PRKN: variants seen among roughly 807,000 people sequenced by gnomAD.
PRKN encodes parkin RBR E3 ubiquitin protein ligase, also known as E3 ubiquitin-protein ligase parkin.
Under a neutral mutation model 59.5 loss-of-function variants are expected in PRKN, and 56 were observed. The observed-to-expected ratio is 0.94, with a 90% CI of 0.76 to 1.18. The LOEUF (loss-of-function observed/expected upper bound fraction) is 1.18, where lower values mean the gene tolerates loss of function less well. Ranked by LOEUF, PRKN falls within the 50% of genes most tolerant of loss-of-function variation. The pLI, the probability that PRKN is intolerant of heterozygous loss-of-function variation, is 0.00. For synonymous variants in PRKN, 250 were observed against 222.1 expected (o/e 1.13, Z -1.12); for missense variants, 657 against 596.4 (o/e 1.10, Z -1.06).
chr6:162,087,113 C>T (rs1276472030), intron 4 of PRKN, among the ~76,000 whole-genome samples: 1 of 152,176 alleles, frequency 6.6e-6, no homozygotes, highest in African/African-American at 2.4e-5. Context: ...TCATCACTGA[C>T]ATGGGCTCAG....
chr6:161,579,109 T>C lies in PRKN; in HGVS notation c.872-9693A>G, dbSNP rs1246724486. 6.6e-6 allele frequency among the ~76,000 whole-genome samples: 1 copy of C among 152,202 alleles called. No homozygotes were observed. The highest frequency in any genetic ancestry group is 1.9e-4 in the East Asian group (1 of 5,190). On this transcript the variant is annotated intron_variant, in intron 7 of 11. Transcript: ENST00000366898. This position sits in a 1 kb window ranked among gnomAD's most constrained non-coding sequence, Gnocchi z 4.2. ...TTCTTTCTCCTGCTGCTCTCAAAAG[T>C]TTGTCCTTGGTTGACATCAGAGAAA...
Position 161,545,517 on chromosome 6 carries a change from A to T in PRKN, c.1083+3337T>A. 2.0e-6 allele frequency: 2 copies of T among 1,012,760 alleles called. No individual in the cohort carries two copies. The highest frequency in any genetic ancestry group is 3.1e-6 in the Non-Finnish European group (2 of 643,720). 62.7% of individuals were successfully genotyped at this position (1,012,760 alleles called of 1,614,324 possible). Reference sequence around the variant, plus strand: ...GGCCATGTTCTACTTCTGAAATGACATAATCTAACCACAATTTCTTCCAGA... The same window carrying T: ...GGCCATGTTCTACTTCTGAAATGACTTAATCTAACCACAATTTCTTCCAGA... On this transcript the variant is annotated intron_variant, in intron 9 of 11. Transcript: ENST00000366898. The surrounding 1 kb of genome is among the most constrained non-coding windows in gnomAD (Gnocchi z 4.1).
At chr6:161,898,147 T>C (rs2128234176) in intron 6 of PRKN, among the ~76,000 whole-genome samples, 1 of 152,194 alleles carries the variant, frequency 6.6e-6, no homozygotes, top group East Asian at 1.9e-4. Flanking sequence ...TTGTAATTGA[T>C]ACTTTAAGCT....
chr6:162,467,624 C>G (rs564387167), intron 1 of PRKN, among the ~76,000 whole-genome samples: 21 of 152,278 alleles, frequency 1.4e-4, no homozygotes, highest in Non-Finnish European at 2.4e-4. Flanking sequence ...GAGCAATACT[C>G]TCAGAACAGG....
chr6:161,929,311 C>T (rs1779081275), intron 6 of PRKN, among the ~76,000 whole-genome samples: 1 of 151,914 alleles, frequency 6.6e-6, no homozygotes, highest in South Asian at 2.1e-4. Context: ...TTGCCAGAGA[C>T]TGAGAGATAG....
chr6:162,436,063 C>A (rs1034721057), intron 2 of PRKN, among the ~76,000 whole-genome samples: 1 of 149,516 alleles, frequency 6.7e-6, no homozygotes, highest in African/African-American at 2.5e-5. Context: ...GAAATCCCAG[C>A]GACTTGAGAG....
At chr6:162,590,721 A>T (rs1305965886) in intron 1 of PRKN, among the ~76,000 whole-genome samples, 5 of 152,178 alleles carry the variant, frequency 3.3e-5, no homozygotes, top group African/African-American at 4.8e-5. Flanking sequence ...AGACTCATCA[A>T]GCTTTCATCA....
intron 6 of PRKN, among the ~76,000 whole-genome samples, chr6:161,894,487 C>T (rs1425857055): frequency 6.6e-6 from 1 of 152,230 alleles, no homozygotes; most frequent in African/African-American, 2.4e-5. Flanking sequence ...TCCAATCAAT[C>T]CTCACCACAG....
intron 4 of PRKN, among the ~76,000 whole-genome samples, chr6:162,091,890 G>C (rs1254545931): frequency 6.6e-6 from 1 of 152,050 alleles, no homozygotes; most frequent in East Asian, 1.9e-4. Context: ...ACAAATATTA[G>C]CCGGGCATGG....
chr6:162,263,136 G>A (rs1424416265), intron 2 of PRKN: 1 of 316,100 alleles, frequency 3.2e-6, no homozygotes, highest in Non-Finnish European at 6.1e-6. Context: ...CTGGAGTGCA[G>A]TGGTGTGATT....
At chr6:162,034,217 A>AGT in intron 5 of PRKN, among the ~76,000 whole-genome samples, 1 of 149,252 alleles carries the variant, frequency 6.7e-6, no homozygotes, top group Non-Finnish European at 1.5e-5. Context: ...AGAGAGAGAG[A>AGT]GAGTGTCTAC....
chr6:162,242,388 GA>G (rs1779021208), intron 3 of PRKN, among the ~76,000 whole-genome samples: 1 of 152,104 alleles, frequency 6.6e-6, no homozygotes, highest in African/African-American at 2.4e-5. Context: ...AGTTCATACA[GA>G]AAGCAGACTG....
intron 2 of PRKN, among the ~76,000 whole-genome samples, chr6:162,423,507 G>C (rs577647830): frequency 1.3e-5 from 2 of 152,242 alleles, no homozygotes; most frequent in Admixed American, 6.5e-5. Flanking sequence ...CATTGTGTGA[G>C]ATTTTATTCA....
chr6:162,027,460 C>T (rs895681392), intron 5 of PRKN, among the ~76,000 whole-genome samples: 4 of 152,088 alleles, frequency 2.6e-5, no homozygotes, highest in Admixed American at 2.6e-4. Flanking sequence ...TGCGACAAAC[C>T]TCTGTATATT....
chr6:161,757,573 T>C (rs7454759), intron 7 of PRKN, among the ~76,000 whole-genome samples: 130,489 of 151,970 alleles, frequency 0.86, 56,344 homozygotes, highest in East Asian at 0.98. Context: ...CGCAGTGGCT[T>C]ATGCCTGTAA....
chr6:161,574,972 G>T (rs1781074242), intron 7 of PRKN, among the ~76,000 whole-genome samples: 1 of 152,078 alleles, frequency 6.6e-6, no homozygotes, highest in African/African-American at 2.4e-5. Context: ...AGCCCGTCCT[G>T]CTGTCCTTGG....
chr6:162,407,212 G>C (rs2128152808), intron 2 of PRKN, among the ~76,000 whole-genome samples: 1 of 152,252 alleles, frequency 6.6e-6, no homozygotes, highest in Non-Finnish European at 1.5e-5. Context: ...TGACCTGATT[G>C]AAGTAGAGCT....
chr6:161,769,546 T>C lies in PRKN; in HGVS notation c.871+16226A>G, dbSNP rs572254952. Among the ~76,000 whole-genome samples, 8 of 152,252 alleles carry C rather than the reference T, an allele frequency of 5.3e-5. No individual in the cohort carries two copies. In the South Asian group the frequency reaches 1.7e-3, roughly 32 times the overall value. ...AGAGGCTGCCAGATGTCCGCCTAAA[T>C]TCCTCTTTTCTCTGGTTCCTAGGCC... On this transcript the variant is annotated intron_variant, in intron 7 of 11. Coordinates refer to ENST00000366898, the MANE Select transcript of PRKN (RefSeq NM_004562.3).
At chr6:162,304,615 T>C (rs1435904167) in intron 2 of PRKN, among the ~76,000 whole-genome samples, 2 of 150,836 alleles carry the variant, frequency 1.3e-5, no homozygotes, top group African/African-American at 2.5e-5. Context: ...CCCACACTTA[T>C]ATATGATCCT....
Sources: allele counts gnomAD v4.1 joint callset (sites outside exome capture counted in the v4.1 genomes callset), GRCh38; gene constraint gnomAD v4.1.1; non-coding constraint Gnocchi (gnomAD v3.1); transcripts MANE v1.5; gene names NCBI Gene and HGNC (gene_info 2026-07-23, HGNC 2026-07-21).